Variants in ADORA2B observed in about 807,000 individuals in gnomAD.
ADORA2B encodes adenosine receptor A2b.
A neutral mutation model predicts 20.8 loss-of-function variants in ADORA2B; 18 were observed. The ratio of observed to expected loss-of-function variants is 0.87; its 90% CI spans 0.60 to 1.29. The LOEUF is 1.29. Ranked by LOEUF, ADORA2B falls within the 50% of genes most tolerant of loss-of-function variation. The pLI, the probability that ADORA2B is intolerant of heterozygous loss-of-function variation, is 0.00. For synonymous variants in ADORA2B, 179 were observed against 178.3 expected (o/e 1.00, Z -0.03); for missense variants, 441 against 422.7 (o/e 1.04, Z -0.38).
the ADORA2B span, among the ~76,000 whole-genome samples, chr17:15,921,095 TG>T: frequency 6.6e-6 from 1 of 152,254 alleles, no homozygotes; most frequent in Non-Finnish European, 1.5e-5. Flanking sequence ...GGCACCCGTG[TG>T]AGTTTTATCA....
At chr17:15,922,803 A>G in the ADORA2B span, among the ~76,000 whole-genome samples, 1 of 152,206 alleles carries the variant, frequency 6.6e-6, no homozygotes, top group Non-Finnish European at 1.5e-5. Context: ...CATGAGCATC[A>G]TAGGAGAGTG....
intron 1 of ADORA2B, among the ~76,000 whole-genome samples, chr17:15,951,008 G>T (rs1372871122): frequency 6.6e-6 from 1 of 152,168 alleles, no homozygotes; most frequent in Non-Finnish European, 1.5e-5. Context: ...GCCGGCACAG[G>T]CTAGGAAAGC....
At chr17:15,923,180 G>A in the ADORA2B span, among the ~76,000 whole-genome samples, 6 of 147,910 alleles carry the variant, frequency 4.1e-5, no homozygotes, top group South Asian at 2.1e-4. Flanking sequence ...CTGCCACCAC[G>A]CCTGGCTAAT....
chr17:15,941,999 T>G (rs1597840852), upstream of ADORA2B, among the ~76,000 whole-genome samples: 1 of 150,740 alleles, frequency 6.6e-6, no homozygotes, highest in East Asian at 1.9e-4. Context: ...GGGGCTGGGG[T>G]GGGGAGAGGA....
At chr17:15,879,784 G>A in the ADORA2B span, among the ~76,000 whole-genome samples, 5 of 150,306 alleles carry the variant, frequency 3.3e-5, no homozygotes, top group Non-Finnish European at 4.4e-5. Context: ...TGATCCGCCT[G>A]CCTCGGCCTC....
At chr17:15,909,280 A>C in the ADORA2B span, among the ~76,000 whole-genome samples, 2 of 152,268 alleles carry the variant, frequency 1.3e-5, no homozygotes, top group East Asian at 3.9e-4. Flanking sequence ...CACACAAAAA[A>C]ACACACACAG....
chr17:15,951,026 G>A (rs1030109401), intron 1 of ADORA2B, among the ~76,000 whole-genome samples: 2 of 152,220 alleles, frequency 1.3e-5, no homozygotes, highest in South Asian at 2.1e-4. Flanking sequence ...AGCACATTGT[G>A]GATGAATGCA....
At position 15,975,249 on chromosome 17, in the gene ADORA2B, C is replaced by A; in HGVS notation, c.906C>A (p.His302Gln). 1 of 1,613,906 alleles carries A rather than the reference C, an allele frequency of 6.2e-7. No homozygotes were observed. Among genetic ancestry groups the A allele is most frequent in the Middle Eastern group, 1.6e-4 (1 of 6,062 alleles). Residue 302 changes from histidine to glutamine, a missense_variant, in exon 2 of 2, where the codon CAC becomes CAA. By Grantham distance (24) the His-to-Gln change is conservative. Transcript: ENST00000304222. Reference sequence around the variant, plus strand: ...ACCGAGACTTCCGCTACACTTTTCACAAAATTATCTCCAGGTATCTTCTCT... The same window carrying A: ...ACCGAGACTTCCGCTACACTTTTCAAAAAATTATCTCCAGGTATCTTCTCT... ...YRNRDFRYTF[H>Q]KIISRYLLCQ... is the part of the protein sequence containing the mutation.
the ADORA2B span, among the ~76,000 whole-genome samples, chr17:15,934,051 T>A: frequency 6.6e-6 from 1 of 152,158 alleles, no homozygotes; most frequent in Admixed American, 6.5e-5. Context: ...TTGTTGATTT[T>A]TTTCAAATCA....
chr17:15,902,008 G>A, the ADORA2B span, among the ~76,000 whole-genome samples: 3 of 151,892 alleles, frequency 2.0e-5, no homozygotes, highest in East Asian at 1.9e-4. Context: ...GGCACTCTGC[G>A]CCCATTAAAC....
chr17:15,966,841 G>A (rs182454761), intron 1 of ADORA2B, among the ~76,000 whole-genome samples: 227 of 152,302 alleles, frequency 1.5e-3, no homozygotes, highest in Non-Finnish European at 2.5e-3. Context: ...CTTTTCAGTC[G>A]CCTGTTATTC....
chr17:15,850,826 A>G, the ADORA2B span, among the ~76,000 whole-genome samples: 1 of 152,178 alleles, frequency 6.6e-6, no homozygotes, highest in African/African-American at 2.4e-5. Context: ...ACGTTAGTCC[A>G]ACACTTACTC....
At chr17:15,953,321 C>T (rs1379548712) in intron 1 of ADORA2B, among the ~76,000 whole-genome samples, 1 of 152,174 alleles carries the variant, frequency 6.6e-6, no homozygotes, top group African/African-American at 2.4e-5. Context: ...TTATTATCTT[C>T]TATTTTTTTG....
the ADORA2B span, among the ~76,000 whole-genome samples, chr17:15,910,647 A>ATCATTAGTGTTATCATTAGTGTTAGTGAT: frequency 3.3e-5 from 5 of 152,264 alleles, no homozygotes; most frequent in African/African-American, 1.2e-4. Context: ...TTCCTTTAGC[A>ATCATTAGTGTTATCATTAGTGTTAGTGAT]CATCAGCTAT....
At chr17:15,946,656 G>A (rs1361886107) in intron 1 of ADORA2B, among the ~76,000 whole-genome samples, 1 of 152,220 alleles carries the variant, frequency 6.6e-6, no homozygotes, top group Non-Finnish European at 1.5e-5. Context: ...AGTCCTTGCA[G>A]TAGTACCAGA....
At chr17:15,862,762 GTTTA>G in the ADORA2B span, among the ~76,000 whole-genome samples, 24 of 148,672 alleles carry the variant, frequency 1.6e-4, no homozygotes, top group African/African-American at 5.4e-4. Flanking sequence ...TGAACGTATT[GTTTA>G]TTTATCAGTA....
Position 15,974,987 on chromosome 17 carries a change from G to C in ADORA2B, c.644G>C (p.Arg215Pro). Residue 215 changes from arginine (R) to proline (P), a missense_variant, in exon 2 of 2, where the codon CGC becomes CCC. Transcript: ENST00000304222. Reference sequence around the variant, plus strand: ...CTGGTGGCCTGCAGGCAGCTTCAGCGCACTGAGCTGATGGACCACTCGAGG... The same window carrying C: ...CTGGTGGCCTGCAGGCAGCTTCAGCCCACTGAGCTGATGGACCACTCGAGG... ...IFLVACRQLQ[R>P]TELMDHSRTT... 1 of 1,614,132 alleles carries C rather than the reference G, an allele frequency of 6.2e-7. No homozygotes were observed. Among genetic ancestry groups the C allele is most frequent in the Non-Finnish European group, 8.5e-7 (1 of 1,180,026 alleles).
the ADORA2B span, among the ~76,000 whole-genome samples, chr17:15,851,414 A>G: frequency 4.0e-5 from 6 of 151,044 alleles, no homozygotes; most frequent in African/African-American, 1.5e-4. Flanking sequence ...AAGATCTAGG[A>G]TCAGCCTTGG....
chr17:15,898,303 ATTTAT>A, the ADORA2B span, among the ~76,000 whole-genome samples: 2 of 151,796 alleles, frequency 1.3e-5, no homozygotes, highest in Non-Finnish European at 2.9e-5. Flanking sequence ...TTATTTATTT[ATTTAT>A]TTTAAGATGG....
Sources: gnomAD v4.1 joint callset for allele counts (sites outside exome capture counted in the v4.1 genomes callset) on GRCh38, gnomAD v4.1.1 for gene constraint, MANE v1.5 for transcripts, NCBI Gene and HGNC (gene_info 2026-07-23, HGNC 2026-07-21) for gene names.